Variants in COBLL1 observed in about 807,000 individuals in gnomAD.
The protein encoded by COBLL1 is cordon-bleu WH2 repeat protein like 1, also known as cordon-bleu protein-like 1.
A neutral mutation model predicts 94.8 loss-of-function variants in COBLL1; 50 were observed. The ratio of observed to expected loss-of-function variants is 0.53; its 90% CI spans 0.42 to 0.67. COBLL1 has a LOEUF of 0.67. Ranked by LOEUF, COBLL1 falls within the 30% of genes least tolerant of loss-of-function variation. The pLI is 0.00. For synonymous variants in COBLL1, 448 were observed against 473.8 expected, an observed-to-expected ratio of 0.95 and a Z score of 0.71; for missense variants, 1,362 against 1,348.7, an observed-to-expected ratio of 1.01 and a Z score of -0.15.
chr2:164,835,393 CCA>C (rs1455826438), intron 2 of COBLL1, among the ~76,000 whole-genome samples: 1 of 151,980 alleles, frequency 6.6e-6, no homozygotes, highest in African/African-American at 2.4e-5. Context: ...GTGAAATAAG[CCA>C]GTCAAAAAAA....
intron 2 of COBLL1, among the ~76,000 whole-genome samples, chr2:164,807,985 A>G (rs1684269357): frequency 6.6e-6 from 1 of 151,932 alleles, no homozygotes; most frequent in African/African-American, 2.4e-5. Flanking sequence ...ACGCCCAGCT[A>G]ATTTTTGTAC....
At chr2:164,760,624 G>A (rs904299211) in intron 2 of COBLL1, among the ~76,000 whole-genome samples, 56 of 152,118 alleles carry the variant, frequency 3.7e-4, no homozygotes, top group African/African-American at 1.3e-3. Flanking sequence ...CACTTCCTTG[G>A]TTTTGACAAC....
chr2:164,680,706 T>C lies in COBLL1; in HGVS notation c.*5240A>G, dbSNP rs943278141. On this transcript the variant is annotated 3_prime_UTR_variant, in exon 14 of 14. Transcript: ENST00000652658. The stretch of plus-strand genomic sequence containing the variant: ...GTTAGCTTGAACGTCAGATAAACAA[T>C]ATAAAAATATAAGTATATCCCAAAT... The C allele has an allele frequency of 3.9e-5, 6 of 152,022 alleles. No homozygotes were observed. The highest frequency in any genetic ancestry group is 2.1e-4 in the South Asian group (1 of 4,814). 9.4% of individuals were successfully genotyped at this position (152,022 alleles called of 1,614,324 possible).
At chr2:164,710,039 T>C (rs930825969) in intron 7 of COBLL1, among the ~76,000 whole-genome samples, 11 of 152,202 alleles carry the variant, frequency 7.2e-5, no homozygotes, top group South Asian at 4.1e-4. Flanking sequence ...TTAATATATA[T>C]ATTTTTTGTT....
chr2:164,801,531 T>C (rs1473294087), intron 2 of COBLL1, among the ~76,000 whole-genome samples: 2 of 149,956 alleles, frequency 1.3e-5, no homozygotes, highest in South Asian at 2.1e-4. Context: ...CTGAGGTGGA[T>C]TGCTTGAGCC....
At chr2:164,703,219 T>G in intron 9 of COBLL1, 3 of 1,607,550 alleles carry the variant, frequency 1.9e-6, no homozygotes, top group Non-Finnish European at 2.6e-6. Flanking sequence ...GGTGAAAGGT[T>G]TCTGCCAAAG....
intron 2 of COBLL1, among the ~76,000 whole-genome samples, chr2:164,777,331 T>TACACAC (rs72061846): frequency 0.014 from 2,079 of 149,150 alleles, 29 homozygotes; most frequent in African/African-American, 0.032. Flanking sequence ...AATCATGAGT[T>TACACAC]ACACACACAC....
intron 2 of COBLL1, among the ~76,000 whole-genome samples, chr2:164,789,094 G>C (rs1683039959): frequency 1.3e-5 from 2 of 150,420 alleles, no homozygotes; most frequent in African/African-American, 4.9e-5. Flanking sequence ...TGTAGTCCCA[G>C]CTACTTGGGA....
At chr2:164,745,583 T>A (rs1686819243) in intron 2 of COBLL1, among the ~76,000 whole-genome samples, 2 of 152,150 alleles carry the variant, frequency 1.3e-5, no homozygotes, top group Non-Finnish European at 2.9e-5. Context: ...CCCAAAGGAT[T>A]GACAGGCAGG....
At chr2:164,840,044 A>G (rs1313751351) in intron 2 of COBLL1, among the ~76,000 whole-genome samples, 10 of 152,196 alleles carry the variant, frequency 6.6e-5, no homozygotes, top group Admixed American at 6.5e-4. Flanking sequence ...GACAGCTGCC[A>G]ATGTTCGCAT....
chr2:164,659,580 C>G (rs1574381691), intron 2 of COBLL1, among the ~76,000 whole-genome samples: 1 of 152,236 alleles, frequency 6.6e-6, no homozygotes, highest in East Asian at 1.9e-4. Context: ...GATGTCCACA[C>G]AGTAAGATCT....
At chr2:164,782,874 A>G (rs1688781640) in intron 2 of COBLL1, among the ~76,000 whole-genome samples, 1 of 152,230 alleles carries the variant, frequency 6.6e-6, no homozygotes. Context: ...CACTGCAAGT[A>G]TAATTTTATC....
At chr2:164,712,222 TGACGTATCCTG>T (rs1224919952) in intron 7 of COBLL1, among the ~76,000 whole-genome samples, 2 of 152,158 alleles carry the variant, frequency 1.3e-5, no homozygotes, top group African/African-American at 4.8e-5. Flanking sequence ...TCATTGAAAT[TGACGTATCCTG>T]GATTAAAGAG....
intron 2 of COBLL1, among the ~76,000 whole-genome samples, chr2:164,795,484 C>T (rs1683399620): frequency 2.0e-5 from 3 of 152,060 alleles, no homozygotes; most frequent in Admixed American, 6.6e-5. Flanking sequence ...TTGCAAATAT[C>T]TTCTAAATTT....
rs5835991 is a variant in COBLL1, at chr2:164,727,688, C to CAAAA, written c.661+277_661+280dup. Among the ~76,000 whole-genome samples the CAAAA allele has an allele frequency of 4.3e-3, 595 of 137,216 alleles. 2 individuals are homozygous for CAAAA. Among genetic ancestry groups the CAAAA allele is most frequent in the Middle Eastern group, 0.03 (8 of 268 alleles). 90.0% of individuals were successfully genotyped at this position (137,216 alleles called of 152,430 possible). On this transcript the variant is annotated intron_variant, in intron 5 of 13. Coordinates refer to ENST00000652658, the MANE Select transcript of COBLL1 (RefSeq NM_001365672.2). ...CATGAAGAATTAAGTTAAATCCTAC[C>CAAAA]AAAAAAAAAAAAATCAAAGAAAAAA... is the stretch of plus-strand genomic sequence containing the variant.
At chr2:164,838,812 T>C (rs998258151) in intron 2 of COBLL1, among the ~76,000 whole-genome samples, 2 of 152,226 alleles carry the variant, frequency 1.3e-5, no homozygotes, top group Non-Finnish European at 2.9e-5. Flanking sequence ...TGAGTTATGA[T>C]ATAATTAGTC....
downstream of COBLL1, among the ~76,000 whole-genome samples, chr2:164,677,046 G>A (rs568245811): frequency 2.6e-5 from 4 of 151,968 alleles, no homozygotes; most frequent in East Asian, 5.8e-4. Flanking sequence ...CCCTCTCACA[G>A]GTAACCAATC....
intron 5 of COBLL1, among the ~76,000 whole-genome samples, chr2:164,725,907 C>T (rs1219692140): frequency 6.6e-6 from 1 of 152,132 alleles, no homozygotes; most frequent in Non-Finnish European, 1.5e-5. Flanking sequence ...TTCTAGAAGG[C>T]AGGCTAAATA....
chr2:164,841,313 C>T lies in COBLL1; in HGVS notation c.-50-67G>A. On this transcript the variant is annotated intron_variant, in intron 1 of 13. Transcript: ENST00000652658. This position sits in a 1 kb window ranked among gnomAD's most constrained non-coding sequence, Gnocchi z 5.5. ...CTTCCCGAGGCCGGAGCGAAGCTGG[C>T]TGAGCGTCAAGAGCCCGCCCGAGCC... The T allele has an allele frequency of 8.3e-6, 10 of 1,212,114 alleles. No individual in the cohort carries two copies. The highest frequency in any genetic ancestry group is 1.0e-5 in the Non-Finnish European group (10 of 975,310). The allele number at this position is 1,212,114 out of a possible 1,614,324, so 75.1% of individuals were successfully genotyped here. A position where few individuals can be genotyped will look rare whatever the true frequency, so the allele number is the denominator to read the frequency against.
Sources: gnomAD v4.1 joint callset for allele counts (sites outside exome capture counted in the v4.1 genomes callset) on GRCh38, gnomAD v4.1.1 for gene constraint, Gnocchi (gnomAD v3.1) non-coding constraint, MANE v1.5 for transcripts, NCBI Gene and HGNC (gene_info 2026-07-23, HGNC 2026-07-21) for gene names.